IFFO2: variants seen among roughly 807,000 people sequenced by gnomAD.
IFFO2 encodes the protein intermediate filament family orphan 2.
A neutral mutation model predicts 53.5 loss-of-function variants in IFFO2; 19 were observed. That is an observed-to-expected ratio of 0.36 (90% confidence interval 0.25 to 0.52). IFFO2 has a LOEUF of 0.52. Ranked by LOEUF, IFFO2 falls within the 20% of genes least tolerant of loss-of-function variation. IFFO2 has a pLI of 0.94. For synonymous variants in IFFO2, 303 were observed against 313.6 expected, an observed-to-expected ratio of 0.97 and a Z score of 0.36; for missense variants, 570 against 727.4, an observed-to-expected ratio of 0.78 and a Z score of 2.49.
chr1:18,919,707 G>C lies in IFFO2; in HGVS notation c.793C>G (p.Leu265Val). 1 of 1,551,648 alleles carries C rather than the reference G, an allele frequency of 6.4e-7. No individual in the cohort carries two copies. The highest frequency in any genetic ancestry group is 1.2e-5 in the South Asian group (1 of 84,062). Residue 265 changes from leucine (L) to valine (V), a missense_variant, in exon 3 of 9, where the codon CTG becomes GTG. Coordinates refer to ENST00000455833, the MANE Select transcript of IFFO2 (RefSeq NM_001136265.2). This position sits in a 1 kb window ranked among gnomAD's most constrained non-coding sequence, Gnocchi z 4.9. ...CTCATAAGCCCCTTAAACACCACCA[G>C]CTCGGCCTTGAGCCGCTCGATCTTC... ...NEKIERLKAE[L>V]VVFKGLMSDP... is the part of the protein sequence containing the mutation.
At position 18,916,226 on chromosome 1, in the gene IFFO2, C is replaced by G. The variant is rs1936131190; in HGVS notation, c.1103+677G>C. ...TGTCCAGAGAGAGGACAGCCCAGCC[C>G]CTGTATCTCATGGGCAAGAACACCC... On this transcript the variant is annotated intron_variant, in intron 5 of 8. Coordinates refer to ENST00000455833, the MANE Select transcript of IFFO2 (RefSeq NM_001136265.2). The surrounding 1 kb of genome is among the most constrained non-coding windows in gnomAD (Gnocchi z 4.3). Among the ~76,000 whole-genome samples the G allele has an allele frequency of 6.6e-6, 1 of 152,148 alleles. No homozygotes were observed. Among genetic ancestry groups the G allele is most frequent in the African/African-American group, 2.4e-5 (1 of 41,422 alleles).
At position 18,910,476 on chromosome 1, in the gene IFFO2, G is replaced by A; in HGVS notation, c.1318-4C>T. On this transcript the variant is annotated splice_region_variant and splice_polypyrimidine_tract_variant and intron_variant, in intron 7 of 8. Transcript: ENST00000455833. Reference sequence around the variant, plus strand: ...TTTTGGCTGTGGCCAGCTCGAGCTGGGAGGAACCAATGAGGAATAAGGGTG... The same window carrying A: ...TTTTGGCTGTGGCCAGCTCGAGCTGAGAGGAACCAATGAGGAATAAGGGTG... 1.2e-6 allele frequency: 2 copies of A among 1,609,742 alleles called. No individual in the cohort carries two copies. The highest frequency in any genetic ancestry group is 1.7e-6 in the Non-Finnish European group (2 of 1,177,946).
At chr1:18,912,743 T>C (rs28419366) in intron 5 of IFFO2, among the ~76,000 whole-genome samples, 2 of 152,040 alleles carry the variant, frequency 1.3e-5, no homozygotes, top group Non-Finnish European at 2.9e-5. Context: ...ATCGTTCCCA[T>C]TTTGCAGGTG....
At chr1:18,935,748 G>A (rs1250284700) in intron 1 of IFFO2, among the ~76,000 whole-genome samples, 1 of 150,436 alleles carries the variant, frequency 6.6e-6, no homozygotes, top group Non-Finnish European at 1.5e-5. Flanking sequence ...CCAGGCTGGA[G>A]CACAGGGGTG....
intron 5 of IFFO2, among the ~76,000 whole-genome samples, chr1:18,913,398 A>G (rs755048439): frequency 1.3e-5 from 2 of 152,212 alleles, no homozygotes; most frequent in Non-Finnish European, 2.9e-5. Context: ...CTTCCTTCCC[A>G]GCGTCTGGGA....
chr1:18,943,873 A>G (rs1936553374), intron 1 of IFFO2, among the ~76,000 whole-genome samples: 1 of 152,228 alleles, frequency 6.6e-6, no homozygotes, highest in African/African-American at 2.4e-5. Context: ...GTCAAGGAGC[A>G]GGGCCCTGTC....
Position 18,938,855 on chromosome 1 carries a change from T to C in IFFO2, c.665+16813A>G, listed in dbSNP as rs944128291. Among the ~76,000 whole-genome samples, 7 of 152,202 alleles carry C rather than the reference T, an allele frequency of 4.6e-5. No individual in the cohort carries two copies. In the East Asian group the frequency reaches 1.2e-3, roughly 25 times the overall value. On this transcript the variant is annotated intron_variant, in intron 1 of 8. Coordinates refer to ENST00000455833, the MANE Select transcript of IFFO2 (RefSeq NM_001136265.2). ...TCAAAGGCAGTAGGCAGTCTCCTCC[T>C]GGTGATTTTGCCTTGGGACAGATGG...
At chr1:18,913,883 T>C (rs1410311474) in intron 5 of IFFO2, among the ~76,000 whole-genome samples, 2 of 152,266 alleles carry the variant, frequency 1.3e-5, no homozygotes, top group African/African-American at 4.8e-5. Flanking sequence ...CAGGCTGGAG[T>C]GCAGTGGTGC....
At chr1:18,924,150 G>A (rs934029899) in intron 1 of IFFO2, among the ~76,000 whole-genome samples, 4 of 152,166 alleles carry the variant, frequency 2.6e-5, no homozygotes, top group South Asian at 2.1e-4. Flanking sequence ...ACCTGGCTCC[G>A]CCAGCTCCAG....
chr1:18,955,871 G>A lies in IFFO2; in HGVS notation c.462C>T (p.Tyr154=). 3.5e-6 allele frequency: 5 copies of A among 1,412,340 alleles called. No homozygotes were observed. Among genetic ancestry groups the A allele is most frequent in the Non-Finnish European group, 4.6e-6 (5 of 1,092,576 alleles). 87.5% of individuals were successfully genotyped at this position (1,412,340 alleles called of 1,614,324 possible). Residue 154 remains tyrosine, a synonymous_variant, in exon 1 of 9, where the codon TAC becomes TAT. Coordinates refer to ENST00000455833, the MANE Select transcript of IFFO2 (RefSeq NM_001136265.2). ...PPGGGSHPQH[Y]GRLPGTIWSY... ...TCCAGATGGTCCCGGGCAGGCGGCC[G>A]TAGTGCTGCGGGTGCGAGCCGCCGC...
chr1:18,911,554 CTT>C (rs1936040728), intron 6 of IFFO2, 78 bp from the exon 7 acceptor site: 1 of 410,466 alleles, frequency 2.4e-6, no homozygotes, highest in South Asian at 7.9e-5. Context: ...TTTATTTATT[CTT>C]GAGACGGAGT....
At chr1:18,934,562 T>G (rs1378602255) in intron 1 of IFFO2, among the ~76,000 whole-genome samples, 8 of 152,064 alleles carry the variant, frequency 5.3e-5, no homozygotes, top group Non-Finnish European at 8.8e-5. Flanking sequence ...ATTGCATGAG[T>G]GTTTACAATG....
Position 18,906,188 on chromosome 1 carries a change from C to T in IFFO2, c.*2373G>A, listed in dbSNP as rs1935945708. On this transcript the variant is annotated 3_prime_UTR_variant, in exon 9 of 9. Transcript: ENST00000455833. ...CAAGAGGAGAGCAGATATTAAAAGCCAGCCAGAAGGGACTCTCAGGCCAGG... is the reference window on the plus strand; with the variant it reads ...CAAGAGGAGAGCAGATATTAAAAGCTAGCCAGAAGGGACTCTCAGGCCAGG... 1 of 152,236 alleles carries T rather than the reference C, an allele frequency of 6.6e-6. No homozygotes were observed. Among genetic ancestry groups the T allele is most frequent in the African/African-American group, 2.4e-5 (1 of 41,444 alleles). The allele number at this position is 152,236 out of a possible 1,614,324, so 9.4% of individuals were successfully genotyped here.
rs537084859 is a variant in IFFO2, at chr1:18,906,447, C to T, written c.*2114G>A. The T allele has an allele frequency of 1.3e-5, 2 of 152,226 alleles. No individual in the cohort carries two copies. The highest frequency in any genetic ancestry group is 2.9e-5 in the Non-Finnish European group (2 of 68,060). 9.4% of individuals were successfully genotyped at this position (152,226 alleles called of 1,614,324 possible). On this transcript the variant is annotated 3_prime_UTR_variant, in exon 9 of 9. Transcript: ENST00000455833. ...AACCCAGGGCCGGCTTCCACGCTGC[C>T]CACGAAACTCCCATACCACATTGTC... is the stretch of plus-strand genomic sequence containing the variant.
In IFFO2 at chr1:18,908,323, A is replaced by G; in HGVS notation, c.*238T>C. 1.9e-6 allele frequency: 1 copy of G among 522,620 alleles called. No individual in the cohort carries two copies. 32.4% of individuals were successfully genotyped at this position (522,620 alleles called of 1,614,324 possible). A position where few individuals can be genotyped will look rare whatever the true frequency, so the allele number is the denominator to read the frequency against. Reference sequence around the variant, plus strand: ...AGAAGTCTGCATTTGTAATGTGGAGAACAATAGAAATTGACAGCACCATTC... The same window carrying G: ...AGAAGTCTGCATTTGTAATGTGGAGGACAATAGAAATTGACAGCACCATTC... On this transcript the variant is annotated 3_prime_UTR_variant, in exon 9 of 9. Transcript: ENST00000455833.
rs2100648648 is a variant in IFFO2, at chr1:18,917,074, G to T, written c.964-32C>A. On this transcript the variant is annotated intron_variant, in intron 4 of 8. Coordinates refer to ENST00000455833, the MANE Select transcript of IFFO2 (RefSeq NM_001136265.2). The surrounding 1 kb of genome is among the most constrained non-coding windows in gnomAD (Gnocchi z 5.9). ...CGGAAAGGAAGCAATCAAGGTAACTGGGGGGCTCGGCTAGGATGGAAGGTA... is the reference window on the plus strand; with the variant it reads ...CGGAAAGGAAGCAATCAAGGTAACTTGGGGGCTCGGCTAGGATGGAAGGTA... The T allele has an allele frequency of 1.9e-6, 3 of 1,550,126 alleles. No homozygotes were observed. The highest frequency in any genetic ancestry group is 2.6e-6 in the Non-Finnish European group (3 of 1,145,948).
rs566065353 is a variant in IFFO2, at chr1:18,921,353, C to A, written c.666-232G>T. ...TATCAGGTGGTGGTGACAAGTGCCA[C>A]GTTAAGGTATGAGCCCAGCACTTCG... On this transcript the variant is annotated intron_variant, in intron 1 of 8. Transcript: ENST00000455833. Among the ~76,000 whole-genome samples, 374 of 152,204 alleles carry A rather than the reference C, an allele frequency of 2.5e-3. 2 individuals are homozygous for A. The highest frequency in any genetic ancestry group is 2.5e-3 in the Non-Finnish European group (168 of 68,040).
intron 1 of IFFO2, among the ~76,000 whole-genome samples, chr1:18,926,930 C>A (rs906594052): frequency 1.3e-5 from 2 of 152,170 alleles, no homozygotes; most frequent in African/African-American, 4.8e-5. Context: ...AACAATGAAG[C>A]CCTCCAGGGA....
chr1:18,929,272 C>T (rs1188894317), intron 1 of IFFO2, among the ~76,000 whole-genome samples: 1 of 152,170 alleles, frequency 6.6e-6, no homozygotes, highest in Non-Finnish European at 1.5e-5. Flanking sequence ...AGAGCAGGCT[C>T]AAGTGAGGCA....
Sources: allele counts gnomAD v4.1 joint callset (sites outside exome capture counted in the v4.1 genomes callset), GRCh38; gene constraint gnomAD v4.1.1; non-coding constraint Gnocchi (gnomAD v3.1); transcripts MANE v1.5; gene names NCBI Gene and HGNC (gene_info 2026-07-23, HGNC 2026-07-21).